The following DSE variants were observed in gnomAD, a reference collection of about 807,000 sequenced individuals.
DSE encodes the protein dermatan-sulfate epimerase.
Under a neutral mutation model 84.4 loss-of-function variants are expected in DSE, and 36 were observed. The ratio of observed to expected loss-of-function variants is 0.43; its 90% CI spans 0.33 to 0.56. The LOEUF is 0.56. Among genes scored for constraint, DSE ranks in the 20% least tolerant of loss-of-function variants. The probability of loss-of-function intolerance (pLI) is 0.06; values close to 1 mark genes in which losing one functional copy is unlikely to be tolerated. For missense variants in DSE, 862 were observed against 1,169.6 expected, an observed-to-expected ratio of 0.74 and a Z score of 3.84; for synonymous variants, 410 against 430.1, an observed-to-expected ratio of 0.95 and a Z score of 0.58.
intron 2 of DSE, among the ~76,000 whole-genome samples, chr6:116,418,650 G>T (rs1782876417): frequency 6.6e-6 from 1 of 152,070 alleles, no homozygotes; most frequent in Admixed American, 6.5e-5. Context: ...TAGAACCCTT[G>T]GACCCTTCTG....
At chr6:116,309,552 A>G (rs886143008) in intron 2 of DSE, among the ~76,000 whole-genome samples, 2 of 152,238 alleles carry the variant, frequency 1.3e-5, no homozygotes, top group Non-Finnish European at 2.9e-5. Context: ...TATAAAAATA[A>G]CACAATAGTT....
chr6:116,375,176 G>A (rs899990266), intron 1 of DSE, among the ~76,000 whole-genome samples: 8 of 152,084 alleles, frequency 5.3e-5, no homozygotes, highest in African/African-American at 1.9e-4. Flanking sequence ...GAATTAGAAT[G>A]GGAAGTAGAG....
chr6:116,299,867 G>T (rs1459929271), intron 2 of DSE, among the ~76,000 whole-genome samples: 1 of 152,034 alleles, frequency 6.6e-6, no homozygotes, highest in Non-Finnish European at 1.5e-5. Flanking sequence ...CCAAAAGAAT[G>T]TTACCTAACA....
rs1015115678 is a variant in DSE, at chr6:116,444,008, T to G, written c.*6663T>G. 2.0e-5 allele frequency: 3 copies of G among 152,202 alleles called. No homozygotes were observed. The highest frequency in any genetic ancestry group is 1.3e-4 in the Admixed American group (2 of 15,270). The allele number at this position is 152,202 out of a possible 1,614,324, so 9.4% of individuals were successfully genotyped here. On this transcript the variant is annotated 3_prime_UTR_variant, in exon 6 of 6. Transcript: ENST00000644252. The stretch of plus-strand genomic sequence containing the variant: ...CAGTAAAATAAAAGGAATTTCTGTT[T>G]ATTGTCTCCTTGATAATCTTGATTT...
At chr6:116,280,030 G>T in intron 2 of DSE, 1 of 702,632 alleles carries the variant, frequency 1.4e-6, no homozygotes, top group Non-Finnish European at 2.5e-6. Context: ...CAGCCAACCG[G>T]ATTCTCTGGG....
rs188120539 is a variant in DSE at position 116,355,428 on chromosome 6, T to G, written c.-53-43770T>G. On this transcript the variant is annotated intron_variant, in intron 2 of 3. Coordinates refer to the DSE transcript ENST00000430252. ...TTTCAGCTGATACTTTTAAGCCTTC[T>G]ACTCCAATTAGGCCACAGACTCCTA... Among the ~76,000 whole-genome samples, 13 of 152,320 alleles carry G rather than the reference T, an allele frequency of 8.5e-5. No homozygotes were observed. The East Asian group carries it at 2.5e-3, about 29-fold the overall frequency.
intron 2 of DSE, among the ~76,000 whole-genome samples, chr6:116,283,265 C>T (rs569036096): frequency 6.6e-6 from 1 of 152,326 alleles, no homozygotes; most frequent in South Asian, 2.1e-4. Context: ...CTGGTAAATT[C>T]TTTCTCCCTT....
At chr6:116,289,040 A>G (rs1774115913) in intron 2 of DSE, among the ~76,000 whole-genome samples, 1 of 152,066 alleles carries the variant, frequency 6.6e-6, no homozygotes, top group Admixed American at 6.6e-5. Context: ...TTGCTTCACT[A>G]TAAAACTTAC....
chr6:116,329,562 G>T (rs941198826), intron 2 of DSE, among the ~76,000 whole-genome samples: 3 of 152,174 alleles, frequency 2.0e-5, no homozygotes, highest in African/African-American at 7.2e-5. Context: ...TGAATCTGAT[G>T]AATGTATTCT....
chr6:116,426,833 T>A lies in DSE; in HGVS notation c.670+6T>A. 1 of 1,606,606 alleles carries A rather than the reference T, an allele frequency of 6.2e-7. No individual in the cohort carries two copies. The highest frequency in any genetic ancestry group is 8.5e-7 in the Non-Finnish European group (1 of 1,174,662). On this transcript the variant is annotated splice_donor_region_variant and intron_variant, in intron 3 of 5. Transcript: ENST00000644252. The stretch of plus-strand genomic sequence containing the variant: ...CCTAGTCCTGATGAATCAAGGTGGG[T>A]GTGGACACAGCCAAGGTGATGCCTG...
At chr6:116,269,180 GTTAC>G (rs1205421936) in intron 2 of DSE, among the ~76,000 whole-genome samples, 1 of 152,120 alleles carries the variant, frequency 6.6e-6, no homozygotes, top group Non-Finnish European at 1.5e-5. Context: ...TCCCAGTTCT[GTTAC>G]TTACTAGCTG....
intron 1 of DSE, among the ~76,000 whole-genome samples, chr6:116,397,207 C>CTTTTTTTTTT (rs11296951): frequency 1.7e-4 from 18 of 105,182 alleles, no homozygotes; most frequent in East Asian, 4.8e-4. Context: ...CTCTTTCTTT[C>CTTTTTTTTTT]TTTTTTTTTT....
intron 1 of DSE, among the ~76,000 whole-genome samples, chr6:116,387,909 G>T (rs936467265): frequency 1.3e-5 from 2 of 152,128 alleles, no homozygotes; most frequent in Non-Finnish European, 2.9e-5. Flanking sequence ...GAAGAGTGTG[G>T]TGTATTATCC....
intron 2 of DSE, among the ~76,000 whole-genome samples, chr6:116,424,767 A>G (rs1783321621): frequency 6.6e-6 from 1 of 152,170 alleles, no homozygotes; most frequent in South Asian, 2.1e-4. Flanking sequence ...TTTTGGGAGG[A>G]TGATGAAATT....
At chr6:116,313,799 T>C (rs962101946) in intron 2 of DSE, among the ~76,000 whole-genome samples, 2 of 152,214 alleles carry the variant, frequency 1.3e-5, no homozygotes, top group African/African-American at 2.4e-5. Context: ...ATTTTAACTT[T>C]TTTGGTTTTA....
In DSE at chr6:116,437,316, T is replaced by A; in HGVS notation, c.2848T>A (p.Tyr950Asn). 6.2e-7 allele frequency: 1 copy of A among 1,612,696 alleles called. No homozygotes were observed. Among genetic ancestry groups the A allele is most frequent in the South Asian group, 1.1e-5 (1 of 90,898 alleles). ...LIDSCILLWL[Y>N]SSCSQSQC ...AGATAGCTGTATTTTATTATGGTTG[T>A]ACTCTTCTTGTTCCCAATCACAGTG... The change falls in exon 6 of 6, where the codon TAC (tyrosine) becomes AAC (asparagine). Residue 950 changes from tyrosine (Y) to asparagine (N), a missense_variant. Transcript: ENST00000644252.
intron 2 of DSE, among the ~76,000 whole-genome samples, chr6:116,337,426 A>G (rs1047065766): frequency 6.6e-6 from 1 of 152,184 alleles, no homozygotes. Flanking sequence ...CCTGACCAAC[A>G]TGGTGAAACA....
intron 2 of DSE, chr6:116,412,662 TTAATTTTATTTTTGTTTC>T (rs1420323753): frequency 2.0e-5 from 3 of 152,246 alleles, no homozygotes; most frequent in East Asian, 3.8e-4. Flanking sequence ...TTTCTAGTTT[TTAATTTTATTTTTGTTTC>T]TAATTTTATT....
chr6:116,353,666 G>A (rs932780733), intron 2 of DSE, among the ~76,000 whole-genome samples: 4 of 152,126 alleles, frequency 2.6e-5, no homozygotes, highest in Non-Finnish European at 5.9e-5. Flanking sequence ...TTTGCTTAAG[G>A]TTATGGAACA....
Sources: allele counts gnomAD v4.1 joint callset (sites outside exome capture counted in the v4.1 genomes callset), GRCh38; gene constraint gnomAD v4.1.1; transcripts MANE v1.5; gene names NCBI Gene and HGNC (gene_info 2026-07-23, HGNC 2026-07-21).